The following SNAPC3 variants were observed in gnomAD, a reference collection of about 807,000 sequenced individuals.
SNAPC3 encodes small nuclear RNA activating complex polypeptide 3, also known as snRNA-activating protein complex subunit 3.
Under a neutral mutation model 47.7 loss-of-function variants are expected in SNAPC3, and 56 were observed. That is an observed-to-expected ratio of 1.18 (90% confidence interval 0.95 to 1.47). The LOEUF (loss-of-function observed/expected upper bound fraction) is 1.47, where lower values mean the gene tolerates loss of function less well. Ranked by LOEUF, SNAPC3 falls within the 40% of genes most tolerant of loss-of-function variation. SNAPC3 has a pLI of 0.00. For synonymous variants in SNAPC3, 235 were observed against 189.9 expected, an observed-to-expected ratio of 1.24 and a Z score of -1.95; for missense variants, 665 against 511.3, an observed-to-expected ratio of 1.30 and a Z score of -2.90.
chr9:15,431,100 T>C (rs2032085463), intron 2 of SNAPC3, among the ~76,000 whole-genome samples: 1 of 152,198 alleles, frequency 6.6e-6, no homozygotes, highest in Non-Finnish European at 1.5e-5. Context: ...GATCCTGCAG[T>C]GCACACAGCT....
chr9:15,430,562 G>A (rs1259594854), intron 2 of SNAPC3, among the ~76,000 whole-genome samples: 4 of 152,056 alleles, frequency 2.6e-5, no homozygotes, highest in African/African-American at 9.7e-5. Flanking sequence ...CTTTTTGTCC[G>A]AGCAATCCCA....
At chr9:15,453,581 A>G (rs1289165680) in intron 7 of SNAPC3, 1 of 156,120 alleles carries the variant, frequency 6.4e-6, no homozygotes, top group East Asian at 1.9e-4. Context: ...TTTGAAGAAG[A>G]TAAAAGGGAA....
At chr9:15,458,973 G>T (rs2035000167) in intron 8 of SNAPC3, among the ~76,000 whole-genome samples, 1 of 152,120 alleles carries the variant, frequency 6.6e-6, no homozygotes, top group African/African-American at 2.4e-5. Flanking sequence ...AAAAAAATCT[G>T]CAATTTGAAA....
Position 15,431,288 on chromosome 9 carries a change from C to T in SNAPC3, c.393-2264C>T, listed in dbSNP as rs141998562. On this transcript the variant is annotated intron_variant, in intron 2 of 8. Coordinates refer to ENST00000380821, the MANE Select transcript of SNAPC3 (RefSeq NM_001039697.2). ...ACCATAGCAACTTCTTTCTCCAGCT[C>T]GTCTGGATCTCTGTCCAGGAAGAAA... Among the ~76,000 whole-genome samples, 382 of 152,290 alleles carry T rather than the reference C, an allele frequency of 2.5e-3. 1 individual carries two copies. The highest frequency in any genetic ancestry group is 9.0e-3 in the African/African-American group (374 of 41,560).
At chr9:15,429,740 T>C (rs1469532009) in intron 2 of SNAPC3, among the ~76,000 whole-genome samples, 1 of 152,142 alleles carries the variant, frequency 6.6e-6, no homozygotes, top group African/African-American at 2.4e-5. Context: ...TACAAATAAT[T>C]AGAAAATATT....
intron 8 of SNAPC3, 122 bp from the exon 9 acceptor site, chr9:15,459,594 TATG>T: frequency 1.4e-6 from 1 of 705,562 alleles, no homozygotes; most frequent in Non-Finnish European, 2.4e-6. Flanking sequence ...AAGGGATTAT[TATG>T]CATTAATAAC....
rs1194878875 is a variant in SNAPC3, at chr9:15,453,125, C to T, written c.900C>T (p.Asp300=). ...TARMEDFTFN[D]LCIKLGFPYL... is the part of the protein sequence containing the mutation. Reference sequence around the variant, plus strand: ...GAATGGAAGATTTCACCTTCAATGACTTGTGTATTAAACTGGGTTTTCCTT... The same window carrying T: ...GAATGGAAGATTTCACCTTCAATGATTTGTGTATTAAACTGGGTTTTCCTT... The change falls in exon 7 of 9, where the codon GAC becomes GAT. Residue 300 remains aspartate (D), a synonymous_variant. Transcript: ENST00000380821. The T allele has an allele frequency of 8.1e-6, 13 of 1,612,120 alleles. No homozygotes were observed. Among genetic ancestry groups the T allele is most frequent in the Non-Finnish European group, 8.5e-7 (1 of 1,178,326 alleles).
At chr9:15,466,414 C>T (rs1477010870), downstream of SNAPC3, among the ~76,000 whole-genome samples, 1 of 152,140 alleles carries the variant, frequency 6.6e-6, no homozygotes, top group Non-Finnish European at 1.5e-5. Context: ...TGTGATTCTC[C>T]ATCTAACTTT....
At chr9:15,441,439 G>C (rs370493319) in intron 3 of SNAPC3, among the ~76,000 whole-genome samples, 5,858 of 106,684 alleles carry the variant, frequency 0.055, 435 homozygotes, top group African/African-American at 0.2. Flanking sequence ...GGTGTTTCTC[G>C]AGGAGGGGGA....
intron 2 of SNAPC3, among the ~76,000 whole-genome samples, chr9:15,431,124 G>A (rs1204603689): frequency 1.3e-5 from 2 of 152,144 alleles, no homozygotes; most frequent in Non-Finnish European, 2.9e-5. Flanking sequence ...CCAGTGCCCA[G>A]CTCCTGCAAT....
downstream of SNAPC3, chr9:15,462,118 A>AT (rs1272420369): frequency 5.3e-5 from 8 of 152,218 alleles, no homozygotes; most frequent in African/African-American, 1.9e-4. Flanking sequence ...ACCAAACTTC[A>AT]AAAAGTTAAT....
At chr9:15,430,807 GATTA>G (rs1278746164) in intron 2 of SNAPC3, among the ~76,000 whole-genome samples, 1 of 152,248 alleles carries the variant, frequency 6.6e-6, no homozygotes. Flanking sequence ...GATGAGGAAG[GATTA>G]ATTCAGAGTA....
chr9:15,461,618 TTCTC>T lies in SNAPC3; in HGVS notation c.*1757_*1760del, dbSNP rs768780254. On this transcript the variant is annotated 3_prime_UTR_variant, in exon 9 of 9. Transcript: ENST00000380821. Reference sequence around the variant, plus strand: ...TCATTTAAAATAAATAAATTCCACTTTCTCTCTCCTAGGTTGTATTTAAATTTGA... The same window carrying T: ...TCATTTAAAATAAATAAATTCCACTTTCTCCTAGGTTGTATTTAAATTTGA... The T allele has an allele frequency of 3.3e-5, 5 of 152,238 alleles. No homozygotes were observed. Among genetic ancestry groups the T allele is most frequent in the African/African-American group, 7.2e-5 (3 of 41,472 alleles). 9.4% of individuals were successfully genotyped at this position (152,238 alleles called of 1,614,324 possible). A position where few individuals can be genotyped will look rare whatever the true frequency, so the allele number is the denominator to read the frequency against.
At chr9:15,444,747 C>CTT (rs781539362) in intron 4 of SNAPC3, 41 bp downstream of exon 4, 1 of 1,071,116 alleles carries the variant, frequency 9.3e-7, no homozygotes. Flanking sequence ...ATAATAGTAA[C>CTT]TTTTGTAAAA....
At position 15,461,390 on chromosome 9, in the gene SNAPC3, G is replaced by A. The variant is rs899662628; in HGVS notation, c.*1524G>A. 2.6e-5 allele frequency: 4 copies of A among 152,204 alleles called. No individual in the cohort carries two copies. Among genetic ancestry groups the A allele is most frequent in the South Asian group, 4.1e-4 (2 of 4,822 alleles). 9.4% of individuals were successfully genotyped at this position (152,204 alleles called of 1,614,324 possible). ...TTGCGCAGAATAGTCTCGAACTCCT[G>A]ACCTCAAGTGATCCATCCGCCTTGG... On this transcript the variant is annotated 3_prime_UTR_variant, in exon 9 of 9. Transcript: ENST00000380821.
intron 7 of SNAPC3, 180 bp downstream of exon 7, chr9:15,453,385 G>T: frequency 1.9e-6 from 1 of 518,004 alleles, no homozygotes; most frequent in Non-Finnish European, 3.4e-6. Flanking sequence ...CCATCCATTT[G>T]CATCCTCTAT....
At chr9:15,424,594 A>G (rs1352540250) in intron 2 of SNAPC3, among the ~76,000 whole-genome samples, 3 of 152,260 alleles carry the variant, frequency 2.0e-5, no homozygotes, top group South Asian at 2.1e-4. Context: ...AAATTATTCA[A>G]TGATAATGGA....
intron 5 of SNAPC3, 111 bp from the exon 6 acceptor site, chr9:15,451,209 T>TG (rs3830476): frequency 0.9 from 390,288 of 435,722 alleles, 175,745 homozygotes; most frequent in African/African-American, 0.94. Context: ...TAGCAGTTTT[T>TG]TAACACATAT....
chr9:15,465,552 T>C (rs756732844), downstream of SNAPC3: 33 of 1,585,704 alleles, frequency 2.1e-5, no homozygotes, highest in Non-Finnish European at 5.2e-6. Context: ...TTCAGAGATA[T>C]TTCAGTCTCT....
Sources: gnomAD v4.1 joint callset for allele counts (sites outside exome capture counted in the v4.1 genomes callset) on GRCh38, gnomAD v4.1.1 for gene constraint, MANE v1.5 for transcripts, NCBI Gene and HGNC (gene_info 2026-07-23, HGNC 2026-07-21) for gene names.